The following MROH9 variants were observed in gnomAD, a reference collection of about 807,000 sequenced individuals.
MROH9 encodes maestro heat like repeat family member 9.
Under a neutral mutation model 98.2 loss-of-function variants are expected in MROH9, and 92 were observed. That is an observed-to-expected ratio of 0.94 (90% CI 0.79 to 1.11). The LOEUF (loss-of-function observed/expected upper bound fraction) is 1.11. Among genes scored for constraint, MROH9 ranks in the 50% most tolerant of loss-of-function variants. MROH9 has a pLI of 0.00. For synonymous variants in MROH9, 397 were observed against 368.9 expected (o/e 1.08, Z -0.87); for missense variants, 1,057 against 1,014.8 (o/e 1.04, Z -0.57).
chr1:170,996,638 T>C lies in MROH9; in HGVS notation c.1469T>C (p.Ile490Thr). The C allele has an allele frequency of 6.2e-7, 1 of 1,613,372 alleles. No individual in the cohort carries two copies. The highest frequency in any genetic ancestry group is 8.5e-7 in the Non-Finnish European group (1 of 1,179,520). Residue 490 changes from isoleucine (I) to threonine (T), a missense_variant, in exon 14 of 22, where the codon ATT becomes ACT. Coordinates refer to ENST00000367759, the MANE Select transcript of MROH9 (RefSeq NM_001163629.2). Reference protein sequence around the residue: ...DLCYYHGVCFIAKTLSEYNFP... With the variant: ...DLCYYHGVCFTAKTLSEYNFP... ...TGTTACTATCATGGAGTCTGCTTTATTGCTAAGTAAGAACAGGGGTCTCTG... is the reference window on the plus strand; with the variant it reads ...TGTTACTATCATGGAGTCTGCTTTACTGCTAAGTAAGAACAGGGGTCTCTG...
chr1:170,947,032 T>G (rs1649357491), intron 2 of MROH9, among the ~76,000 whole-genome samples: 1 of 152,020 alleles, frequency 6.6e-6, no homozygotes, highest in South Asian at 2.1e-4. Context: ...ATGATAATCT[T>G]TGTTTTATTC....
At chr1:170,956,746 A>G (rs1325393882) in intron 3 of MROH9, among the ~76,000 whole-genome samples, 3 of 151,250 alleles carry the variant, frequency 2.0e-5, no homozygotes, top group Non-Finnish European at 4.4e-5. Context: ...CAGCTCTAGG[A>G]GCTTTCTGGA....
intron 20 of MROH9, among the ~76,000 whole-genome samples, chr1:171,048,223 G>GA (rs1275440005): frequency 1.3e-5 from 2 of 152,172 alleles, no homozygotes; most frequent in African/African-American, 4.8e-5. Context: ...CCAGGCCTGT[G>GA]TTCCTCCCTT....
chr1:170,970,424 A>G (rs1477687356), intron 7 of MROH9, among the ~76,000 whole-genome samples: 2 of 152,038 alleles, frequency 1.3e-5, no homozygotes, highest in African/African-American at 4.8e-5. Context: ...ACCCAAAGAA[A>G]AGGACATTCA....
At chr1:170,990,326 T>A (rs1651308463) in intron 11 of MROH9, among the ~76,000 whole-genome samples, 1 of 152,226 alleles carries the variant, frequency 6.6e-6, no homozygotes, top group Non-Finnish European at 1.5e-5. Context: ...TAATGGATTT[T>A]TATTCCCGTT....
chr1:171,045,243 G>T (rs1257907375), intron 20 of MROH9, among the ~76,000 whole-genome samples: 2 of 151,342 alleles, frequency 1.3e-5, no homozygotes, highest in Admixed American at 1.3e-4. Context: ...CTCGTGATCC[G>T]CCCGCCTCGG....
At chr1:170,958,578 G>T (rs367559216) in intron 4 of MROH9, 38 bp downstream of exon 4, 72 of 1,311,638 alleles carry the variant, frequency 5.5e-5, no homozygotes, top group Non-Finnish European at 6.9e-5. Flanking sequence ...TTCACTAATT[G>T]GATGCATTTA....
chr1:170,938,978 C>T (rs763326357), intron 1 of MROH9, among the ~76,000 whole-genome samples: 19 of 152,192 alleles, frequency 1.2e-4, no homozygotes, highest in Non-Finnish European at 2.4e-4. Flanking sequence ...GGCTACTTTG[C>T]TCATGAGCCT....
In MROH9 at chr1:170,975,099, CAAAT is replaced by C. The variant is rs764233136; in HGVS notation, c.616+3219_616+3222del. Among the ~76,000 whole-genome samples the C allele has an allele frequency of 8.6e-5, 13 of 151,856 alleles. No individual in the cohort carries two copies. In the East Asian group the frequency reaches 1.5e-3, roughly 18 times the overall value. On this transcript the variant is annotated intron_variant, in intron 8 of 21. Coordinates refer to ENST00000367759, the MANE Select transcript of MROH9 (RefSeq NM_001163629.2). ...AAAGCAGATAACACAAAATAGGAAACAAATAATCAAGACAAATTTTTAACCCAAT... is the reference window on the plus strand; with the variant it reads ...AAAGCAGATAACACAAAATAGGAAACAATCAAGACAAATTTTTAACCCAAT...
At chr1:170,976,380 G>A (rs1031239965) in intron 8 of MROH9, among the ~76,000 whole-genome samples, 1 of 152,120 alleles carries the variant, frequency 6.6e-6, no homozygotes, top group East Asian at 1.9e-4. Flanking sequence ...TCTAAAAAGG[G>A]TCTTATTTCT....
chr1:170,971,494 G>C lies in MROH9; in HGVS notation c.481-254G>C, dbSNP rs188448723. Among the ~76,000 whole-genome samples, 3 of 152,222 alleles carry C rather than the reference G, an allele frequency of 2.0e-5. No homozygotes were observed. The East Asian group carries it at 5.8e-4, about 29-fold the overall frequency. On this transcript the variant is annotated intron_variant, in intron 7 of 21. Transcript: ENST00000367759. ...ACCATTATGTCCAAGTACTTTCCTA[G>C]GAATTTTTCTTCTTGTCATCAGTGT...
chr1:170,998,268 C>T lies in MROH9; in HGVS notation c.1590C>T (p.Leu530=), dbSNP rs367977461. Residue 530 remains leucine, a synonymous_variant, in exon 15 of 22, where the codon CTC becomes CTT. Transcript: ENST00000367759. The part of the protein sequence containing the change: ...SEDTVIVLIF[L]TELLNNFFKD... ...ACACTGTCATCGTATTAATATTCCT[C>T]ACTGAAGTGAGTTTTGTAGACTGTG... is the stretch of plus-strand genomic sequence containing the variant. The T allele has an allele frequency of 1.7e-4, 280 of 1,613,536 alleles. 1 individual carries two copies. The East Asian group carries it at 2.3e-3, about 13-fold the overall frequency.
At chr1:171,032,060 T>C (rs1241005971) in intron 20 of MROH9, among the ~76,000 whole-genome samples, 2 of 152,182 alleles carry the variant, frequency 1.3e-5, no homozygotes, top group Non-Finnish European at 2.9e-5. Context: ...TTCTTCTACT[T>C]GGTCAGTTCG....
At chr1:171,049,054 C>T (rs73040227) in intron 20 of MROH9, among the ~76,000 whole-genome samples, 4,672 of 152,196 alleles carry the variant, frequency 0.031, 237 homozygotes, top group African/African-American at 0.11. Context: ...TTTCCCTCTC[C>T]TCTCCTCAAG....
chr1:170,952,089 G>GT (rs1649574021), intron 3 of MROH9, among the ~76,000 whole-genome samples: 1 of 135,156 alleles, frequency 7.4e-6, no homozygotes. Flanking sequence ...TCATTAAAAA[G>GT]TCAGGAAACA....
chr1:171,049,995 A>C (rs1249994196), intron 20 of MROH9, among the ~76,000 whole-genome samples: 1 of 151,956 alleles, frequency 6.6e-6, no homozygotes, highest in African/African-American at 2.4e-5. Context: ...TTTCTTTCTT[A>C]TTGAGTTGTT....
At chr1:171,039,665 C>T (rs1320431427) in intron 20 of MROH9, among the ~76,000 whole-genome samples, 1 of 151,958 alleles carries the variant, frequency 6.6e-6, no homozygotes, top group South Asian at 2.1e-4. Flanking sequence ...TTAGTAAAAC[C>T]ACTAAAGAAA....
At chr1:170,976,055 A>G (rs933183775) in intron 8 of MROH9, among the ~76,000 whole-genome samples, 3 of 152,034 alleles carry the variant, frequency 2.0e-5, no homozygotes, top group Non-Finnish European at 4.4e-5. Flanking sequence ...ATTACATGTG[A>G]GATGGGTCTC....
chr1:170,946,227 C>A (rs1347668721), intron 2 of MROH9, among the ~76,000 whole-genome samples: 1 of 151,794 alleles, frequency 6.6e-6, no homozygotes, highest in Non-Finnish European at 1.5e-5. Flanking sequence ...ATGAGACAGG[C>A]AGGCATTCAC....
Sources: allele counts gnomAD v4.1 joint callset (sites outside exome capture counted in the v4.1 genomes callset), GRCh38; gene constraint gnomAD v4.1.1; transcripts MANE v1.5; gene names NCBI Gene and HGNC (gene_info 2026-07-23, HGNC 2026-07-21).